The following NDRG3 variants were observed in gnomAD, a reference collection of about 807,000 sequenced individuals.
NDRG3 encodes protein NDRG3.
NDRG3 carries 23 observed loss-of-function variants against 57.2 expected under a neutral mutation model. That is an observed-to-expected ratio of 0.40 (90% CI 0.29 to 0.57). NDRG3 has a LOEUF of 0.57. Ranked by LOEUF, NDRG3 falls within the 20% of genes least tolerant of loss-of-function variation. The pLI, the probability that NDRG3 is intolerant of heterozygous loss-of-function variation, is 0.42. For missense variants in NDRG3, 384 were observed against 457.3 expected, an observed-to-expected ratio of 0.84 and a Z score of 1.46; for synonymous variants, 132 against 162.6, an observed-to-expected ratio of 0.81 and a Z score of 1.43.
intron 1 of NDRG3, among the ~76,000 whole-genome samples, chr20:36,745,609 C>A (rs142299422): frequency 2.6e-5 from 4 of 152,340 alleles, no homozygotes; most frequent in Non-Finnish European, 5.9e-5. Context: ...TGGGGCCGGA[C>A]GGGTGCAAGG....
intron 1 of NDRG3, among the ~76,000 whole-genome samples, chr20:36,734,306 T>C (rs867486646): frequency 3.9e-5 from 6 of 152,154 alleles, no homozygotes; most frequent in Admixed American, 2.0e-4. Flanking sequence ...CAAATGCTCA[T>C]TTTATGCCCT....
chr20:36,739,459 A>G (rs532806597), intron 1 of NDRG3, among the ~76,000 whole-genome samples: 92 of 151,086 alleles, frequency 6.1e-4, no homozygotes, highest in African/African-American at 2.2e-3. Flanking sequence ...AAAAAAAGAA[A>G]AAAAAAAAAA....
intron 5 of NDRG3, among the ~76,000 whole-genome samples, chr20:36,685,865 C>T (rs1981742607): frequency 6.6e-6 from 1 of 152,166 alleles, no homozygotes; most frequent in Non-Finnish European, 1.5e-5. Flanking sequence ...CAATAATTAG[C>T]CAGGCGTGTT....
At chr20:36,685,164 A>G (rs1484103524) in intron 5 of NDRG3, among the ~76,000 whole-genome samples, 1 of 152,128 alleles carries the variant, frequency 6.6e-6, no homozygotes, top group Non-Finnish European at 1.5e-5. Context: ...GTCTTGGTCT[A>G]CTGCTATATT....
At chr20:36,659,274 A>G (rs1381295454) in intron 13 of NDRG3, among the ~76,000 whole-genome samples, 1 of 152,084 alleles carries the variant, frequency 6.6e-6, no homozygotes, top group Non-Finnish European at 1.5e-5. Flanking sequence ...GCTATGTCAT[A>G]AAGTTGAGGA....
intron 1 of NDRG3, among the ~76,000 whole-genome samples, chr20:36,730,639 A>G (rs112138798): frequency 6.6e-6 from 1 of 152,108 alleles, no homozygotes; most frequent in Non-Finnish European, 1.5e-5. Flanking sequence ...TCTGGGATAT[A>G]AAGTTGGTAA....
At chr20:36,677,607 A>G (rs1473415694) in intron 8 of NDRG3, among the ~76,000 whole-genome samples, 1 of 152,090 alleles carries the variant, frequency 6.6e-6, no homozygotes, top group African/African-American at 2.4e-5. Flanking sequence ...GAGAAGGGCT[A>G]CTCTCTCTGC....
intron 2 of NDRG3, among the ~76,000 whole-genome samples, chr20:36,707,717 A>G (rs562703644): frequency 1.1e-3 from 171 of 151,922 alleles, no homozygotes; most frequent in Non-Finnish European, 2.4e-4. Context: ...CTGATTGAGG[A>G]AAAAAAAATC....
At chr20:36,739,448 A>G (rs1985804254) in intron 1 of NDRG3, among the ~76,000 whole-genome samples, 1 of 137,624 alleles carries the variant, frequency 7.3e-6, no homozygotes, top group South Asian at 2.3e-4. Flanking sequence ...CTCCGCCTCA[A>G]AAAAAAAGAA....
At position 36,656,370 on chromosome 20, in the gene NDRG3, T is replaced by G; in HGVS notation, c.936A>C (p.Gly312=). The G allele has an allele frequency of 6.2e-7, 1 of 1,614,082 alleles. No individual in the cohort carries two copies. The highest frequency in any genetic ancestry group is 8.5e-7 in the Non-Finnish European group (1 of 1,180,008). ...LTEAFKYFLQ[G]MGYIPSASMT... Reference sequence around the variant, plus strand: ...TTGTGTACTACTCACTGTAGCCCATTCCCTGCAAAAAGTACTTGAAGGCCT... The same window carrying G: ...TTGTGTACTACTCACTGTAGCCCATGCCCTGCAAAAAGTACTTGAAGGCCT... The change falls in exon 15 of 16, where the codon GGA becomes GGC. Residue 312 remains glycine (G), a synonymous_variant. Transcript: ENST00000349004.
chr20:36,703,381 T>C (rs1329481578), intron 3 of NDRG3, among the ~76,000 whole-genome samples: 1 of 151,914 alleles, frequency 6.6e-6, no homozygotes, highest in East Asian at 1.9e-4. Context: ...ATACTCAACA[T>C]AGTGAGACCC....
At chr20:36,732,416 T>A (rs545125340) in intron 1 of NDRG3, among the ~76,000 whole-genome samples, 1 of 152,168 alleles carries the variant, frequency 6.6e-6, no homozygotes, top group African/African-American at 2.4e-5. Flanking sequence ...CAGAGACGCA[T>A]GGATTCTTCC....
chr20:36,678,144 A>G (rs1472434782), intron 8 of NDRG3, among the ~76,000 whole-genome samples: 1 of 152,170 alleles, frequency 6.6e-6, no homozygotes, highest in African/African-American at 2.4e-5. Context: ...AAGGAGTAGC[A>G]CAGATAAAGT....
At chr20:36,664,264 C>T (rs1031286441) in intron 12 of NDRG3, among the ~76,000 whole-genome samples, 4 of 152,204 alleles carry the variant, frequency 2.6e-5, no homozygotes, top group East Asian at 3.9e-4. Flanking sequence ...ATCAGGTCTA[C>T]GTAAGGCAAA....
In NDRG3 at chr20:36,693,141, T is replaced by C. The variant is rs868289439; in HGVS notation, c.94-4357A>G. Among the ~76,000 whole-genome samples the C allele has an allele frequency of 8.5e-3, 293 of 34,606 alleles. 2 individuals carry two copies. The highest frequency in any genetic ancestry group is 0.025 in the East Asian group (28 of 1,134). The allele number at this position is 34,606 out of a possible 152,430, so 22.7% of individuals were successfully genotyped here. On this transcript the variant is annotated intron_variant, in intron 3 of 15. Coordinates refer to ENST00000349004, the MANE Select transcript of NDRG3 (RefSeq NM_032013.4). ...ATATATATATATATATATATATATA[T>C]ACACACACACACATATACACATATA...
intron 2 of NDRG3, 58 bp from the exon 3 acceptor site, chr20:36,707,065 C>T (rs1195463371): frequency 6.7e-7 from 1 of 1,486,596 alleles, no homozygotes; most frequent in Non-Finnish European, 9.4e-7. Flanking sequence ...CCCACATGTG[C>T]AGCACATTCA....
intron 8 of NDRG3, among the ~76,000 whole-genome samples, 156 bp downstream of exon 8, chr20:36,680,660 A>G (rs745423657): frequency 1.3e-4 from 20 of 152,198 alleles, no homozygotes; most frequent in Admixed American, 3.9e-4. Flanking sequence ...GGAATATTCT[A>G]TATCTTGATT....
chr20:36,743,409 G>A (rs962354921), intron 1 of NDRG3, among the ~76,000 whole-genome samples: 65 of 152,162 alleles, frequency 4.3e-4, no homozygotes, highest in African/African-American at 1.5e-3. Context: ...CAGGAAAATC[G>A]CTTGAACCCA....
chr20:36,656,352 C>T lies in NDRG3; in HGVS notation c.946+8G>A. On this transcript the variant is annotated splice_region_variant and intron_variant, in intron 15 of 15. Transcript: ENST00000349004. ...TCGTTGCTAGATAGAAAGTTGTGTA[C>T]TACTCACTGTAGCCCATTCCCTGCA... is the stretch of plus-strand genomic sequence containing the variant. The T allele has an allele frequency of 1.2e-6, 2 of 1,613,740 alleles. No homozygotes were observed. The highest frequency in any genetic ancestry group is 1.7e-6 in the Non-Finnish European group (2 of 1,179,768).
Sources: allele counts gnomAD v4.1 joint callset (sites outside exome capture counted in the v4.1 genomes callset), GRCh38; gene constraint gnomAD v4.1.1; transcripts MANE v1.5; gene names NCBI Gene and HGNC (gene_info 2026-07-23, HGNC 2026-07-21).